Variants in NASP observed in about 807,000 individuals in gnomAD.
The protein encoded by NASP is nuclear autoantigenic sperm protein.
NASP carries 24 observed loss-of-function variants against 89.5 expected under a neutral mutation model. That is an observed-to-expected ratio of 0.27 (90% confidence interval 0.19 to 0.38). The LOEUF (loss-of-function observed/expected upper bound fraction) is 0.38, where lower values mean the gene tolerates loss of function less well. NASP is among the 10% of genes least tolerant of loss of function. The pLI is 1.00. For missense variants in NASP, 848 were observed against 921.4 expected, an observed-to-expected ratio of 0.92 and a Z score of 1.03; for synonymous variants, 306 against 324.7, an observed-to-expected ratio of 0.94 and a Z score of 0.62.
rs1643927548 is a variant in NASP, at chr1:45,607,492, A to T, written c.581A>T (p.Glu194Val). The change falls in exon 6 of 15, where the codon GAG becomes GTG. Residue 194 changes from glutamate to valine, a missense_variant. Around this residue, in one of 5 missense-constraint regions of NASP, gnomAD observed 464 missense variants for 469.4 expected, o/e 0.99. Transcript: ENST00000350030. ...ATGGATATAAGTAAATCTGCAGAGGAGCCACAGGAAAAAGTTGACTTGACT... is the reference window on the plus strand; with the variant it reads ...ATGGATATAAGTAAATCTGCAGAGGTGCCACAGGAAAAAGTTGACTTGACT... ...EDMDISKSAE[E>V]PQEKVDLTLD... 10 of 1,613,856 alleles carry T rather than the reference A, an allele frequency of 6.2e-6. No individual in the cohort carries two copies. Among genetic ancestry groups the T allele is most frequent in the Non-Finnish European group, 7.6e-6 (9 of 1,179,984 alleles).
At chr1:45,609,124 A>G (rs1452540812) in intron 6 of NASP, among the ~76,000 whole-genome samples, 1 of 152,214 alleles carries the variant, frequency 6.6e-6, no homozygotes, top group Non-Finnish European at 1.5e-5. Flanking sequence ...ATTAAATTTC[A>G]TTAAGGTGTA....
At chr1:45,616,993 C>T (rs373542253) in intron 13 of NASP, among the ~76,000 whole-genome samples, 5 of 152,078 alleles carry the variant, frequency 3.3e-5, no homozygotes, top group African/African-American at 2.4e-5. Context: ...TACAGGCGCC[C>T]GCCACCACGC....
chr1:45,603,717 C>T (rs1297101115), intron 3 of NASP, among the ~76,000 whole-genome samples: 2 of 146,260 alleles, frequency 1.4e-5, no homozygotes, highest in African/African-American at 5.1e-5. Context: ...TCAAGTGATT[C>T]TCCTGCCTCT....
rs1256848467 is a variant in NASP at position 45,616,708 on chromosome 1, GTC to G, written c.2157+7_2157+8del. The G allele has an allele frequency of 1.2e-6, 2 of 1,609,488 alleles. No homozygotes were observed. The highest frequency in any genetic ancestry group is 1.7e-6 in the Non-Finnish European group (2 of 1,175,854). On this transcript the variant is annotated splice_donor_region_variant and intron_variant, in intron 13 of 14. Coordinates refer to ENST00000350030, the MANE Select transcript of NASP (RefSeq NM_002482.4). ...TCCCACCTTGTCAGAAAGAAGGTAA[GTC>G]TACATGTGGTGTTTCTTTTCTACCG...
Position 45,602,285 on chromosome 1 carries a change from A to T in NASP, c.138A>T (p.Leu46=). The T allele has an allele frequency of 6.2e-7, 1 of 1,613,644 alleles. No individual in the cohort carries two copies. Among genetic ancestry groups the T allele is most frequent in the South Asian group, 1.1e-5 (1 of 91,068 alleles). Residue 46 remains leucine (L), a synonymous_variant, in exon 3 of 15, where the codon CTA becomes CTT. Transcript: ENST00000350030. The part of the protein sequence containing the change: ...SLDVDSEAKK[L]LGLGQKHLVM... ...ATGTGGATAGTGAAGCTAAGAAACT[A>T]TTGGGTTTAGGACAGAAACATCTGG...
chr1:45,614,949 A>C, intron 9 of NASP, 64 bp from the exon 10 acceptor site: 4 of 1,424,808 alleles, frequency 2.8e-6, no homozygotes, highest in Non-Finnish European at 3.8e-6. Flanking sequence ...GATGGGTCTG[A>C]ATTCTGGAAG....
At chr1:45,585,359 ACT>A (rs530541659) in intron 1 of NASP, among the ~76,000 whole-genome samples, 76 of 151,746 alleles carry the variant, frequency 5.0e-4, no homozygotes, top group African/African-American at 1.7e-3. Flanking sequence ...ATAGGCTTAC[ACT>A]CTGTCATGAT....
chr1:45,584,246 G>T (rs1466113053), intron 1 of NASP, 41 bp downstream of exon 1: 5 of 1,536,920 alleles, frequency 3.3e-6, no homozygotes, highest in Non-Finnish European at 4.4e-6. Context: ...TGGCCAGTCC[G>T]CGGGGAGGGC....
At chr1:45,603,273 C>T (rs1008517319) in intron 3 of NASP, among the ~76,000 whole-genome samples, 1 of 152,144 alleles carries the variant, frequency 6.6e-6, no homozygotes, top group African/African-American at 2.4e-5. Context: ...GTTTGAGTTT[C>T]CTCAAATATA....
Position 45,617,522 on chromosome 1 carries a change from G to A in NASP, c.2217G>A (p.Pro739=), listed in dbSNP as rs1423861702. The change falls in exon 14 of 15, where the codon CCG becomes CCA. Residue 739 remains proline (P), a synonymous_variant. Coordinates refer to ENST00000350030, the MANE Select transcript of NASP (RefSeq NM_002482.4). ...KDDAKKAKQE[P]EVNGGSGDAV... The stretch of plus-strand genomic sequence containing the variant: ...ATGCAAAGAAAGCCAAACAAGAGCC[G>A]GAGGTGAACGGAGGCAGTGGGGATG... The A allele has an allele frequency of 3.1e-6, 5 of 1,612,042 alleles. No individual in the cohort carries two copies. The highest frequency in any genetic ancestry group is 2.2e-5 in the East Asian group (1 of 44,838).
rs184322140 is a variant in NASP at position 45,586,680 on chromosome 1, G to A, written c.59+2475G>A. Among the ~76,000 whole-genome samples, 152 of 152,234 alleles carry A rather than the reference G, an allele frequency of 1.0e-3. 2 individuals are homozygous for A. Among genetic ancestry groups the A allele is most frequent in the African/African-American group, 3.6e-3 (150 of 41,532 alleles). On this transcript the variant is annotated intron_variant, in intron 1 of 14. Coordinates refer to ENST00000350030, the MANE Select transcript of NASP (RefSeq NM_002482.4). ...GTGTGTCTCAGTTAAGTAAGTTAGT[G>A]GGGACACTTAGAGGTAAAGTTTATA...
intron 14 of NASP, 43 bp from the exon 15 acceptor site, chr1:45,618,018 T>C: frequency 1.3e-6 from 2 of 1,549,368 alleles, no homozygotes; most frequent in Non-Finnish European, 1.8e-6. Context: ...ACAGAATGGC[T>C]TAAACTAGGC....
chr1:45,617,384 A>G (rs1644124490), intron 13 of NASP, 79 bp from the exon 14 acceptor site: 9 of 1,501,460 alleles, frequency 6.0e-6, no homozygotes, highest in Non-Finnish European at 7.2e-6. Flanking sequence ...TTGCACCACA[A>G]GGGTTAAGGA....
intron 1 of NASP, among the ~76,000 whole-genome samples, chr1:45,590,837 T>C (rs184168949): frequency 1.3e-5 from 2 of 152,292 alleles, no homozygotes; most frequent in East Asian, 3.9e-4. Flanking sequence ...TGCTAGACCA[T>C]TTGGTCAGAA....
chr1:45,618,355 C>G lies in NASP; in HGVS notation c.*214C>G, dbSNP rs1246693146. ...TTTTGTTCTGGCCTTCTGTACTGAT[C>G]TGTGTTCCTGATCCTAATTCCTATC... is the stretch of plus-strand genomic sequence containing the variant. On this transcript the variant is annotated 3_prime_UTR_variant, in exon 15 of 15. Transcript: ENST00000350030. 4.4e-6 allele frequency: 2 copies of G among 449,798 alleles called. No individual in the cohort carries two copies. Among genetic ancestry groups the G allele is most frequent in the East Asian group, 4.2e-5 (1 of 23,884 alleles). 27.9% of individuals were successfully genotyped at this position (449,798 alleles called of 1,614,324 possible).
chr1:45,604,942 G>A lies in NASP; in HGVS notation c.225G>A (p.Lys75=), dbSNP rs374274515. 5 of 1,608,650 alleles carry A rather than the reference G, an allele frequency of 3.1e-6. No individual in the cohort carries two copies. The highest frequency in any genetic ancestry group is 1.1e-5 in the South Asian group (1 of 90,874). ...AFQEAASLLG[K]KYGETANECG... ...ATGTTTATTCTCTTTGTAGAGGTAAGAAGTATGGAGAGACAGCTAATGAGT... is the reference window on the plus strand; with the variant it reads ...ATGTTTATTCTCTTTGTAGAGGTAAAAAGTATGGAGAGACAGCTAATGAGT... Residue 75 remains lysine, a synonymous_variant, in exon 4 of 15, where the codon AAG becomes AAA. Coordinates refer to ENST00000350030, the MANE Select transcript of NASP (RefSeq NM_002482.4).
chr1:45,609,770 G>A (rs541649558), intron 6 of NASP: 9 of 152,320 alleles, frequency 5.9e-5, no homozygotes, highest in African/African-American at 1.9e-4. Flanking sequence ...TGAGGTTGAG[G>A]TTTAAAGGTT....
Position 45,584,157 on chromosome 1 carries a change from A to G in NASP, c.11A>G (p.Glu4Gly). MAM[E>G]STATAAVAAE... ...CACCTCAGGGGAACGATGGCCATGG[A>G]GTCCACAGCCACTGCCGCCGTCGCC... Residue 4 changes from glutamate to glycine, a missense_variant, in exon 1 of 15, where the codon GAG (glutamate) becomes GGG (glycine). Glu to Gly is a moderately conservative substitution (Grantham distance 98). This residue lies in a region of NASP where 89 missense variants were observed against 79.2 expected (regional missense o/e 1.12). Transcript: ENST00000350030. 1.9e-6 allele frequency: 3 copies of G among 1,595,966 alleles called. No individual in the cohort carries two copies. Among genetic ancestry groups the G allele is most frequent in the Non-Finnish European group, 2.6e-6 (3 of 1,171,512 alleles).
rs201684799 is a variant in NASP, at chr1:45,607,669, A to C, written c.758A>C (p.Glu253Ala). The C allele has an allele frequency of 1.9e-6, 3 of 1,614,170 alleles. No individual in the cohort carries two copies. In the Admixed American group the frequency reaches 5.0e-5, roughly 27 times the overall value. The change falls in exon 6 of 15, where the codon GAG becomes GCG. Residue 253 changes from glutamate to alanine, a missense_variant. By Grantham distance (107) the Glu-to-Ala change is moderately radical (BLOSUM62 -1). Transcript: ENST00000350030. ...KSVSGTDVQE[E>A]CREKGGQEKQ... ...GTTTCTGGAACTGATGTCCAAGAAG[A>C]GTGCAGAGAAAAAGGAGGTCAGGAG...
Sources: allele counts gnomAD v4.1 joint callset (sites outside exome capture counted in the v4.1 genomes callset), GRCh38; gene constraint gnomAD v4.1.1; regional missense constraint gnomAD v4.1.1; transcripts MANE v1.5; gene names NCBI Gene and HGNC (gene_info 2026-07-23, HGNC 2026-07-21).